The following STK24 variants were observed in gnomAD, a reference collection of about 807,000 sequenced individuals.
STK24 encodes the protein serine/threonine kinase 24.
Under a neutral mutation model 55.6 loss-of-function variants are expected in STK24, and 21 were observed. The observed-to-expected ratio is 0.38, with a 90% confidence interval of 0.27 to 0.54. The LOEUF is 0.54. Among genes scored for constraint, STK24 ranks in the 20% least tolerant of loss-of-function variants. The probability of loss-of-function intolerance (pLI) is 0.79; values close to 1 mark genes in which losing one functional copy is unlikely to be tolerated. For synonymous variants in STK24, 200 were observed against 215.2 expected, an observed-to-expected ratio of 0.93 and a Z score of 0.62; for missense variants, 383 against 538.4, an observed-to-expected ratio of 0.71 and a Z score of 2.86.
chr13:98,464,392 C>T (rs1026317678), intron 6 of STK24, among the ~76,000 whole-genome samples: 11 of 151,600 alleles, frequency 7.3e-5, no homozygotes, highest in Non-Finnish European at 1.2e-4. Context: ...GCACTCCAGC[C>T]TGGGCGACAG....
At chr13:98,472,398 G>C (rs916919449) in intron 5 of STK24, among the ~76,000 whole-genome samples, 9 of 152,214 alleles carry the variant, frequency 5.9e-5, no homozygotes, top group African/African-American at 2.2e-4. Flanking sequence ...GGATGGCTCA[G>C]GCAGACAGGA....
intron 2 of STK24, 85 bp from the exon 3 acceptor site, chr13:98,482,406 T>A: frequency 1.4e-6 from 1 of 739,750 alleles, no homozygotes; most frequent in Non-Finnish European, 2.3e-6. Context: ...TTTTTCACAA[T>A]TATATTGGAA....
At position 98,445,838 on chromosome 13, in the gene STK24, T is replaced by G. The variant is rs1009733569; in HGVS notation, c.*7335A>C. The stretch of plus-strand genomic sequence containing the variant: ...CAAATAAGCCTGTGTTCTAAGGTAC[T>G]GGTAGTCAGGACCTCAACGTGTCTT... On this transcript the variant is annotated 3_prime_UTR_variant, in exon 11 of 11. Coordinates refer to ENST00000539966, the MANE Select transcript of STK24 (RefSeq NM_001032296.4). 4 of 403,770 alleles carry G rather than the reference T, an allele frequency of 9.9e-6. No homozygotes were observed. The highest frequency in any genetic ancestry group is 2.2e-5 in the African/African-American group (1 of 46,284). 25.0% of individuals were successfully genotyped at this position (403,770 alleles called of 1,614,324 possible).
At chr13:98,469,695 G>A (rs947809739) in intron 5 of STK24, among the ~76,000 whole-genome samples, 3 of 151,952 alleles carry the variant, frequency 2.0e-5, no homozygotes, top group African/African-American at 7.3e-5. Flanking sequence ...AGCACCCTGC[G>A]TCCCCTCTAC....
At chr13:98,516,604 G>A (rs150949281) in intron 2 of STK24, among the ~76,000 whole-genome samples, 6 of 152,228 alleles carry the variant, frequency 3.9e-5, no homozygotes, top group Middle Eastern at 3.4e-3. Context: ...TGTGCCCTAC[G>A]TCCAGGCCTG....
chr13:98,552,928 C>T (rs547061191), intron 1 of STK24, among the ~76,000 whole-genome samples: 15 of 152,250 alleles, frequency 9.9e-5, no homozygotes, highest in African/African-American at 3.6e-4. Flanking sequence ...TGAACATACA[C>T]CACCAAGAGT....
At chr13:98,526,866 C>T (rs928202003) in intron 1 of STK24, among the ~76,000 whole-genome samples, 14 of 152,078 alleles carry the variant, frequency 9.2e-5, no homozygotes, top group Admixed American at 1.3e-4. Flanking sequence ...GTGTAGAACA[C>T]GTTATTCAGA....
rs975308483 is a variant in STK24 at position 98,576,902 on chromosome 13, G to A, written c.-116C>T. The A allele has an allele frequency of 1.1e-3, 690 of 608,786 alleles. 1 individual carries two copies. Among genetic ancestry groups the A allele is most frequent in the Admixed American group, 1.7e-3 (26 of 15,236 alleles). 37.7% of individuals were successfully genotyped at this position (608,786 alleles called of 1,614,324 possible). A position where few individuals can be genotyped will look rare whatever the true frequency, so the allele number is the denominator to read the frequency against. On this transcript the variant is annotated 5_prime_UTR_variant, in exon 1 of 11. Transcript: ENST00000539966. ...CGGGCGGCGGGGCCGGCCGGAGCCCGAGGCCACCCCAGCCCTGGCGGGTCC... is the reference window on the plus strand; with the variant it reads ...CGGGCGGCGGGGCCGGCCGGAGCCCAAGGCCACCCCAGCCCTGGCGGGTCC...
At chr13:98,472,794 G>GT (rs527239057) in intron 5 of STK24, among the ~76,000 whole-genome samples, 73 of 152,230 alleles carry the variant, frequency 4.8e-4, no homozygotes, top group African/African-American at 1.7e-3. Flanking sequence ...TTGACCTTGG[G>GT]TAAGTTTTAA....
chr13:98,457,338 G>T (rs1893508188), intron 9 of STK24, 34 bp from the exon 10 acceptor site: 10 of 1,613,438 alleles, frequency 6.2e-6, no homozygotes, highest in Non-Finnish European at 8.5e-6. Flanking sequence ...ATGGCATGAA[G>T]CACACCAGCT....
At chr13:98,459,403 ACCGGGC>A (rs1400541037) in intron 9 of STK24, among the ~76,000 whole-genome samples, 1 of 152,200 alleles carries the variant, frequency 6.6e-6, no homozygotes, top group African/African-American at 2.4e-5. Flanking sequence ...CCCTGCTCCC[ACCGGGC>A]CCTGAACTTG....
At chr13:98,564,672 G>C (rs1897519843) in intron 1 of STK24, among the ~76,000 whole-genome samples, 1 of 152,194 alleles carries the variant, frequency 6.6e-6, no homozygotes, top group African/African-American at 2.4e-5. Flanking sequence ...ATCAGGTTCA[G>C]AGCATTTGTT....
At chr13:98,462,903 A>G (rs1168958612) in intron 7 of STK24, among the ~76,000 whole-genome samples, 2 of 152,116 alleles carry the variant, frequency 1.3e-5, no homozygotes, top group East Asian at 1.9e-4. Context: ...ACCTCTCTCC[A>G]GTCTCTTTCT....
intron 1 of STK24, among the ~76,000 whole-genome samples, chr13:98,569,012 G>A (rs140391336): frequency 9.6e-4 from 146 of 152,246 alleles, no homozygotes; most frequent in African/African-American, 3.4e-3. Flanking sequence ...GATCTGAGTC[G>A]CTTCACAGAA....
At chr13:98,457,055 T>C in intron 10 of STK24, 113 bp downstream of exon 10, 8 of 1,326,232 alleles carry the variant, frequency 6.0e-6, no homozygotes, top group Non-Finnish European at 8.1e-6. Flanking sequence ...CCCTGAGGCC[T>C]GCAAGATAAC....
intron 2 of STK24, among the ~76,000 whole-genome samples, chr13:98,509,931 A>G (rs984797908): frequency 9.9e-5 from 15 of 152,258 alleles, no homozygotes; most frequent in Admixed American, 2.0e-4. Context: ...ATATGTAAGT[A>G]ATAAGTCTTT....
chr13:98,446,329 G>T lies in STK24; in HGVS notation c.*6844C>A. 1 of 659,784 alleles carries T rather than the reference G, an allele frequency of 1.5e-6. No homozygotes were observed. The highest frequency in any genetic ancestry group is 2.7e-6 in the Non-Finnish European group (1 of 375,462). 40.9% of individuals were successfully genotyped at this position (659,784 alleles called of 1,614,324 possible). A position where few individuals can be genotyped will look rare whatever the true frequency, so the allele number is the denominator to read the frequency against. On this transcript the variant is annotated 3_prime_UTR_variant, in exon 11 of 11. Transcript: ENST00000539966. Reference sequence around the variant, plus strand: ...CTCCAGGTGTCACGGGGATGACAGGGATGCTGGCGGGGGGCCCTGTCCACC... The same window carrying T: ...CTCCAGGTGTCACGGGGATGACAGGTATGCTGGCGGGGGGCCCTGTCCACC...
chr13:98,490,253 T>G (rs989517162), intron 2 of STK24, among the ~76,000 whole-genome samples: 2 of 152,198 alleles, frequency 1.3e-5, no homozygotes, highest in African/African-American at 4.8e-5. Context: ...CATTAATATG[T>G]CACTTATCAG....
chr13:98,474,781 G>A, intron 5 of STK24, 40 bp downstream of exon 5: 2 of 1,563,412 alleles, frequency 1.3e-6, no homozygotes, highest in South Asian at 1.2e-5. Flanking sequence ...GAGCCCTCCA[G>A]GCCTCGTGAG....
Sources: gnomAD v4.1 joint callset for allele counts (sites outside exome capture counted in the v4.1 genomes callset) on GRCh38, gnomAD v4.1.1 for gene constraint, MANE v1.5 for transcripts, NCBI Gene and HGNC (gene_info 2026-07-23, HGNC 2026-07-21) for gene names.